Variants in LYPD6 observed in about 807,000 individuals in gnomAD.
The protein encoded by LYPD6 is ly6/PLAUR domain-containing protein 6.
Under a neutral mutation model 22.7 loss-of-function variants are expected in LYPD6, and 15 were observed. That is an observed-to-expected ratio of 0.66 (90% CI 0.44 to 1.02). LYPD6 has a LOEUF of 1.02. Ranked by LOEUF, LYPD6 falls within the 50% of genes least tolerant of loss-of-function variation. The pLI is 0.00. For missense variants in LYPD6, 189 were observed against 208.4 expected, an observed-to-expected ratio of 0.91 and a Z score of 0.57; for synonymous variants, 72 against 77.5, an observed-to-expected ratio of 0.93 and a Z score of 0.37.
intron 1 of LYPD6, among the ~76,000 whole-genome samples, chr2:149,406,638 G>T (rs1296563189): frequency 1.2e-4 from 19 of 152,166 alleles, no homozygotes; most frequent in Non-Finnish European, 2.4e-4. Context: ...CTGCACGTGA[G>T]ATGGGTTTCC....
intron 1 of LYPD6, among the ~76,000 whole-genome samples, chr2:149,366,904 G>T (rs889827558): frequency 1.1e-4 from 17 of 152,044 alleles, no homozygotes; most frequent in Non-Finnish European, 2.2e-4. Flanking sequence ...ACACTGTCAT[G>T]TGTGATTCTT....
At chr2:149,464,698 C>T (rs779240652) in intron 3 of LYPD6, among the ~76,000 whole-genome samples, 1 of 151,956 alleles carries the variant, frequency 6.6e-6, no homozygotes, top group African/African-American at 2.4e-5. Context: ...TGCTTTTGTG[C>T]GTGGCGGGTT....
chr2:149,336,797 T>C (rs895609598), intron 1 of LYPD6, among the ~76,000 whole-genome samples: 1 of 152,144 alleles, frequency 6.6e-6, no homozygotes, highest in Non-Finnish European at 1.5e-5. Flanking sequence ...TCAGGTTTCA[T>C]GTAGTGTTAA....
chr2:149,371,176 G>C lies in LYPD6; in HGVS notation c.-72+40454G>C, dbSNP rs560408146. Reference sequence around the variant, plus strand: ...GACCTCTCAGTCTCAGGTGATTCTTGGTTGCATGAACAGTATAGGGCTGGG... The same window carrying C: ...GACCTCTCAGTCTCAGGTGATTCTTCGTTGCATGAACAGTATAGGGCTGGG... On this transcript the variant is annotated intron_variant, in intron 1 of 4. Transcript: ENST00000334166. Among the ~76,000 whole-genome samples, 9 of 152,232 alleles carry C rather than the reference G, an allele frequency of 5.9e-5. No individual in the cohort carries two copies. In the South Asian group the frequency reaches 1.7e-3, roughly 28 times the overall value.
intron 1 of LYPD6, among the ~76,000 whole-genome samples, chr2:149,351,408 A>AG (rs1681356805): frequency 2.0e-5 from 3 of 150,938 alleles, no homozygotes; most frequent in African/African-American, 7.3e-5. Flanking sequence ...AAAAAAAAAA[A>AG]AAAAAAAGAA....
chr2:149,339,832 C>T (rs777587321), intron 1 of LYPD6, among the ~76,000 whole-genome samples: 2 of 152,072 alleles, frequency 1.3e-5, no homozygotes, highest in Admixed American at 6.5e-5. Flanking sequence ...TAGGTGTATG[C>T]GTGAGTAATT....
chr2:149,331,022 TGGAGGAACCTTTCCCA>T (rs1478826916), intron 1 of LYPD6, among the ~76,000 whole-genome samples: 1 of 152,162 alleles, frequency 6.6e-6, no homozygotes, highest in Non-Finnish European at 1.5e-5. Context: ...AGTTCAAGGC[TGGAGGAACCTTTCCCA>T]GGAGTAATTC....
chr2:149,454,059 A>G (rs1680897249), intron 3 of LYPD6, among the ~76,000 whole-genome samples: 1 of 152,232 alleles, frequency 6.6e-6, no homozygotes, highest in Non-Finnish European at 1.5e-5. Flanking sequence ...CATTTTATCC[A>G]ACACTTCTGG....
chr2:149,392,366 G>T, intron 1 of LYPD6, among the ~76,000 whole-genome samples: 1 of 152,298 alleles, frequency 6.6e-6, no homozygotes, highest in Non-Finnish European at 1.5e-5. Context: ...GGGCAAGTGT[G>T]TGGGTGTTTA....
chr2:149,392,563 A>G (rs1682336352), intron 1 of LYPD6, among the ~76,000 whole-genome samples: 1 of 152,180 alleles, frequency 6.6e-6, no homozygotes, highest in Non-Finnish European at 1.5e-5. Flanking sequence ...GACGGATGGG[A>G]GAGAGTGTTG....
chr2:149,452,769 C>T (rs1224150859), intron 3 of LYPD6, among the ~76,000 whole-genome samples: 1 of 152,160 alleles, frequency 6.6e-6, no homozygotes, highest in East Asian at 1.9e-4. Context: ...TGTATCTTAG[C>T]GACTGACATT....
intron 1 of LYPD6, among the ~76,000 whole-genome samples, chr2:149,431,194 C>T (rs1683304367): frequency 6.6e-6 from 1 of 152,138 alleles, no homozygotes; most frequent in Non-Finnish European, 1.5e-5. Context: ...TGAGAGTGTA[C>T]TTCTTCATAA....
chr2:149,443,521 T>C (rs763360706), intron 2 of LYPD6, among the ~76,000 whole-genome samples: 4 of 152,200 alleles, frequency 2.6e-5, no homozygotes, highest in African/African-American at 4.8e-5. Context: ...ATGTCTACTT[T>C]GATCATTCCA....
intron 1 of LYPD6, among the ~76,000 whole-genome samples, chr2:149,432,961 A>G (rs1010152138): frequency 1.3e-5 from 2 of 152,242 alleles, no homozygotes; most frequent in Non-Finnish European, 2.9e-5. Context: ...TTTTCTCTAT[A>G]AAATAATACA....
In LYPD6 at chr2:149,472,939, T is replaced by G. The variant is rs768902135; in HGVS notation, c.*2089T>G. 5 of 152,628 alleles carry G rather than the reference T, an allele frequency of 3.3e-5. No individual in the cohort carries two copies. The highest frequency in any genetic ancestry group is 5.9e-5 in the Non-Finnish European group (4 of 68,038). 9.5% of individuals were successfully genotyped at this position (152,628 alleles called of 1,614,324 possible). A position where few individuals can be genotyped will look rare whatever the true frequency, so the allele number is the denominator to read the frequency against. On this transcript the variant is annotated 3_prime_UTR_variant, in exon 5 of 5. Coordinates refer to ENST00000334166, the MANE Select transcript of LYPD6 (RefSeq NM_194317.5). ...TTATCATGTGGAGTTTATCTCACCC[T>G]GCTGTTGCAGGATGCTATTTGCATG...
chr2:149,335,719 G>A (rs1028223611), intron 1 of LYPD6, among the ~76,000 whole-genome samples: 3 of 152,110 alleles, frequency 2.0e-5, no homozygotes, highest in Admixed American at 6.5e-5. Flanking sequence ...TTCATGGTAC[G>A]TGCCCTATAT....
chr2:149,392,415 A>G (rs138441938), intron 1 of LYPD6, among the ~76,000 whole-genome samples: 9 of 152,258 alleles, frequency 5.9e-5, no homozygotes, highest in Admixed American at 5.9e-4. Flanking sequence ...AGGTTATAGA[A>G]AACAATGTCT....
At chr2:149,343,347 C>T (rs778470419) in intron 1 of LYPD6, among the ~76,000 whole-genome samples, 3 of 152,118 alleles carry the variant, frequency 2.0e-5, no homozygotes, top group South Asian at 4.1e-4. Context: ...AAAAACTTTT[C>T]GATCCTATCT....
intron 1 of LYPD6, among the ~76,000 whole-genome samples, chr2:149,432,860 T>G (rs1471056785): frequency 1.3e-5 from 2 of 152,344 alleles, no homozygotes; most frequent in East Asian, 3.9e-4. Flanking sequence ...ATTTTGAGGT[T>G]ATGTTCATTG....
Sources: allele counts gnomAD v4.1 joint callset (sites outside exome capture counted in the v4.1 genomes callset), GRCh38; gene constraint gnomAD v4.1.1; transcripts MANE v1.5; gene names NCBI Gene and HGNC (gene_info 2026-07-23, HGNC 2026-07-21).